The following RUNX2 variants were observed in gnomAD, a reference collection of about 807,000 sequenced individuals.
RUNX2 encodes runt-related transcription factor 2.
A neutral mutation model predicts 51.7 loss-of-function variants in RUNX2; 10 were observed. The observed-to-expected ratio is 0.19, with a 90% CI of 0.12 to 0.33. The LOEUF (loss-of-function observed/expected upper bound fraction) is 0.33, where lower values mean the gene tolerates loss of function less well. Among genes scored for constraint, RUNX2 ranks in the 10% least tolerant of loss-of-function variants. The pLI is 1.00. For missense variants in RUNX2, 562 were observed against 691.3 expected, an observed-to-expected ratio of 0.81 and a Z score of 2.10; for synonymous variants, 276 against 273.6, an observed-to-expected ratio of 1.01 and a Z score of -0.09.
intron 2 of RUNX2, among the ~76,000 whole-genome samples, chr6:45,379,825 C>T (rs1430862807): frequency 6.6e-6 from 1 of 151,858 alleles, no homozygotes; most frequent in Non-Finnish European, 1.5e-5. Context: ...GAGATCACGC[C>T]GCTGCTCTCC....
At chr6:45,371,945 T>C in intron 2 of RUNX2, 2 of 784,702 alleles carry the variant, frequency 2.5e-6, no homozygotes, top group Non-Finnish European at 3.1e-6. Context: ...CACTACTATT[T>C]AGTGATACAA....
At chr6:45,490,069 G>A (rs1299074079) in intron 5 of RUNX2, among the ~76,000 whole-genome samples, 1 of 152,158 alleles carries the variant, frequency 6.6e-6, no homozygotes, top group Non-Finnish European at 1.5e-5. Context: ...CAACTTGGAC[G>A]AGGGCTATAT....
intron 7 of RUNX2, among the ~76,000 whole-genome samples, chr6:45,519,757 C>A (rs1801440115): frequency 6.7e-6 from 1 of 148,158 alleles, no homozygotes; most frequent in Admixed American, 6.7e-5. Context: ...GAATTGCATT[C>A]CATTGGAAGG....
intron 2 of RUNX2, among the ~76,000 whole-genome samples, chr6:45,365,867 C>T (rs901062263): frequency 7.4e-6 from 1 of 134,416 alleles, no homozygotes; most frequent in East Asian, 2.0e-4. Flanking sequence ...TAATGTCAAT[C>T]GGTAGATCAA....
At chr6:45,385,388 C>T (rs764900159) in intron 2 of RUNX2, among the ~76,000 whole-genome samples, 4 of 152,146 alleles carry the variant, frequency 2.6e-5, no homozygotes, top group Non-Finnish European at 5.9e-5. Flanking sequence ...CTTCCCCTTA[C>T]GGTAAACTAG....
chr6:45,498,537 A>C (rs1375186342), intron 6 of RUNX2, among the ~76,000 whole-genome samples: 1 of 152,230 alleles, frequency 6.6e-6, no homozygotes, highest in East Asian at 1.9e-4. Context: ...GAATATCTGA[A>C]TTATACTTTA....
intron 2 of RUNX2, among the ~76,000 whole-genome samples, chr6:45,412,656 A>G (rs1797975508): frequency 6.6e-6 from 1 of 151,922 alleles, no homozygotes; most frequent in African/African-American, 2.4e-5. Flanking sequence ...TTTTTTTAAA[A>G]AAACAGTTTT....
chr6:45,432,527 G>A (rs1479781244), intron 4 of RUNX2, among the ~76,000 whole-genome samples: 1 of 151,864 alleles, frequency 6.6e-6, no homozygotes, highest in African/African-American at 2.4e-5. Flanking sequence ...TTAACATAAG[G>A]CTTTTCATTT....
At chr6:45,349,522 G>C (rs1791594813) in intron 2 of RUNX2, among the ~76,000 whole-genome samples, 1 of 152,110 alleles carries the variant, frequency 6.6e-6, no homozygotes, top group South Asian at 2.1e-4. Flanking sequence ...GTTCACCCTT[G>C]ATTTATTCAA....
chr6:45,337,897 A>C (rs1237579782), intron 2 of RUNX2, among the ~76,000 whole-genome samples: 1 of 152,032 alleles, frequency 6.6e-6, no homozygotes, highest in East Asian at 1.9e-4. Context: ...AAGTATATTT[A>C]AGTAAATTCT....
chr6:45,385,773 G>T (rs1342478931), intron 2 of RUNX2, among the ~76,000 whole-genome samples: 1 of 152,144 alleles, frequency 6.6e-6, no homozygotes, highest in Non-Finnish European at 1.5e-5. Flanking sequence ...GGTTGTGCAT[G>T]CCTGTAATCC....
At chr6:45,388,403 G>A (rs1312390751) in intron 2 of RUNX2, among the ~76,000 whole-genome samples, 1 of 152,168 alleles carries the variant, frequency 6.6e-6, no homozygotes, top group South Asian at 2.1e-4. Context: ...CTAGCCCAGA[G>A]CATACAGCAG....
At chr6:45,403,229 C>CTTTTTT (rs201142802) in intron 2 of RUNX2, among the ~76,000 whole-genome samples, 29 of 108,802 alleles carry the variant, frequency 2.7e-4, no homozygotes, top group Non-Finnish European at 3.9e-4. Flanking sequence ...GTTTGAGTTT[C>CTTTTTT]TTTTTTTTTT....
At chr6:45,369,173 C>G (rs563560510) in intron 2 of RUNX2, among the ~76,000 whole-genome samples, 2 of 152,128 alleles carry the variant, frequency 1.3e-5, no homozygotes, top group African/African-American at 4.8e-5. Flanking sequence ...TCACACCTGA[C>G]CTCCCCAGCC....
At chr6:45,484,357 G>A (rs373879176) in intron 5 of RUNX2, among the ~76,000 whole-genome samples, 1 of 152,300 alleles carries the variant, frequency 6.6e-6, no homozygotes, top group African/African-American at 2.4e-5. Flanking sequence ...AGAGAAGCTG[G>A]TTGGGATGGT....
intron 7 of RUNX2, among the ~76,000 whole-genome samples, chr6:45,539,777 A>G (rs1416908825): frequency 2.0e-5 from 3 of 152,212 alleles, no homozygotes; most frequent in Admixed American, 2.0e-4. Flanking sequence ...CTGTCTTCTC[A>G]GCACCATACT....
chr6:45,495,073 C>G lies in RUNX2; in HGVS notation c.859+2959C>G, dbSNP rs532851762. On this transcript the variant is annotated intron_variant, in intron 6 of 8. Transcript: ENST00000647337. ...TCCTCCAAGGCCACTGTGTTATCTTCTTCAGGAAAAAGTTCTGGAACCTTC... is the reference window on the plus strand; with the variant it reads ...TCCTCCAAGGCCACTGTGTTATCTTGTTCAGGAAAAAGTTCTGGAACCTTC... Among the ~76,000 whole-genome samples the G allele has an allele frequency of 1.1e-4, 16 of 152,332 alleles. No individual in the cohort carries two copies. In the South Asian group the frequency reaches 2.3e-3, roughly 22 times the overall value.
At position 45,549,894 on chromosome 6, in the gene RUNX2, C is replaced by T. The variant is rs7451304; in HGVS notation, c.*2589C>T. 6.6e-6 allele frequency: 1 copy of T among 152,622 alleles called. No individual in the cohort carries two copies. The highest frequency in any genetic ancestry group is 1.5e-5 in the Non-Finnish European group (1 of 68,068). The allele number at this position is 152,622 out of a possible 1,614,324, so 9.5% of individuals were successfully genotyped here. A position where few individuals can be genotyped will look rare whatever the true frequency, so the allele number is the denominator to read the frequency against. ...TTCCTTGGGAAAAATTCAAGCACTTCTTCCCTCCACCCTCACTCCAACCAC... is the reference window on the plus strand; with the variant it reads ...TTCCTTGGGAAAAATTCAAGCACTTTTTCCCTCCACCCTCACTCCAACCAC... On this transcript the variant is annotated 3_prime_UTR_variant, in exon 9 of 9. Transcript: ENST00000647337.
At chr6:45,431,722 T>C (rs1164668024) in intron 3 of RUNX2, 141 bp from the exon 4 acceptor site, 4 of 951,904 alleles carry the variant, frequency 4.2e-6, no homozygotes, top group Non-Finnish European at 6.8e-6. Context: ...CATACACAGA[T>C]GCTTCATTCC....
Sources: gnomAD v4.1 joint callset for allele counts (sites outside exome capture counted in the v4.1 genomes callset) on GRCh38, gnomAD v4.1.1 for gene constraint, MANE v1.5 for transcripts, NCBI Gene and HGNC (gene_info 2026-07-23, HGNC 2026-07-21) for gene names.